The following IQCH variants were observed in gnomAD, a reference collection of about 807,000 sequenced individuals.
The protein encoded by IQCH is IQ domain-containing protein H.
In IQCH, 98 loss-of-function variants were observed where a neutral mutation model predicts 117.0. The ratio of observed to expected loss-of-function variants is 0.84; its 90% CI spans 0.71 to 0.99. IQCH has a LOEUF of 0.99. Among genes scored for constraint, IQCH ranks in the 50% least tolerant of loss-of-function variants. The pLI is 0.00. For synonymous variants in IQCH, 412 were observed against 448.2 expected, an observed-to-expected ratio of 0.92 and a Z score of 1.02; for missense variants, 1,102 against 1,243.8, an observed-to-expected ratio of 0.89 and a Z score of 1.72.
chr15:67,439,522 C>T (rs1415665082), intron 16 of IQCH, among the ~76,000 whole-genome samples: 1 of 152,004 alleles, frequency 6.6e-6, no homozygotes, highest in African/African-American at 2.4e-5. Context: ...AAGGAAATTA[C>T]CCAGCAGAAG....
intron 4 of IQCH, among the ~76,000 whole-genome samples, chr15:67,296,419 T>C (rs1338894425): frequency 3.3e-5 from 5 of 152,010 alleles, no homozygotes; most frequent in African/African-American, 1.2e-4. Context: ...TAGGAAGGAA[T>C]GGCAGGAGGC....
chr15:67,302,934 C>G (rs1216592490), intron 4 of IQCH, among the ~76,000 whole-genome samples: 2 of 152,152 alleles, frequency 1.3e-5, no homozygotes, highest in Non-Finnish European at 2.9e-5. Flanking sequence ...TGTTAAAGAC[C>G]TTACCTAAAC....
At chr15:67,271,028 G>T (rs566884448) in intron 3 of IQCH, among the ~76,000 whole-genome samples, 1 of 152,166 alleles carries the variant, frequency 6.6e-6, no homozygotes, top group South Asian at 2.1e-4. Flanking sequence ...GAGTGCAGTC[G>T]TGCAATCTTG....
At chr15:67,310,400 A>G (rs185176219) in intron 4 of IQCH, among the ~76,000 whole-genome samples, 14 of 152,228 alleles carry the variant, frequency 9.2e-5, no homozygotes, top group East Asian at 1.9e-4. Context: ...TGAAATTCAG[A>G]TCTGCTCATA....
At chr15:67,256,899 C>T (rs1017727891) in intron 1 of IQCH, among the ~76,000 whole-genome samples, 2 of 152,128 alleles carry the variant, frequency 1.3e-5, no homozygotes, top group African/African-American at 4.8e-5. Context: ...AAATTCTATT[C>T]TCTACATGTA....
intron 2 of IQCH, among the ~76,000 whole-genome samples, 192 bp downstream of exon 2, chr15:67,261,586 A>G (rs779138895): frequency 6.6e-6 from 1 of 152,242 alleles, no homozygotes; most frequent in Non-Finnish European, 1.5e-5. Flanking sequence ...CATATTTCAC[A>G]AAGAATTTAA....
intron 4 of IQCH, among the ~76,000 whole-genome samples, chr15:67,324,131 A>G (rs1015701756): frequency 4.0e-5 from 6 of 151,466 alleles, no homozygotes; most frequent in Non-Finnish European, 7.4e-5. Context: ...TTTAGTAGAG[A>G]TGGGGTTTCA....
rs1406343311 is a variant in IQCH at position 67,481,631 on chromosome 15, G to A, written c.2799+5813G>A. ...CAGAACAAAAGGGTAAAAAGAAAAAGGGTATAGCTCTCCTACTGAAGCCTC... is the reference window on the plus strand; with the variant it reads ...CAGAACAAAAGGGTAAAAAGAAAAAAGGTATAGCTCTCCTACTGAAGCCTC... On this transcript the variant is annotated intron_variant, in intron 18 of 20. Transcript: ENST00000335894. This position sits in a 1 kb window ranked among gnomAD's most constrained non-coding sequence, Gnocchi z 4.1. 1.3e-5 allele frequency among the ~76,000 whole-genome samples: 2 copies of A among 152,158 alleles called. No individual in the cohort carries two copies. The highest frequency in any genetic ancestry group is 4.8e-5 in the African/African-American group (2 of 41,436).
chr15:67,306,900 C>A, intron 4 of IQCH: 2 of 1,506,066 alleles, frequency 1.3e-6, no homozygotes, highest in South Asian at 2.5e-5. Context: ...CATCCAGTTC[C>A]AGTTAGACTT....
At chr15:67,354,153 G>C (rs1969788296) in intron 6 of IQCH, among the ~76,000 whole-genome samples, 1 of 151,968 alleles carries the variant, frequency 6.6e-6, no homozygotes, top group Admixed American at 6.6e-5. Flanking sequence ...TACCAAAATT[G>C]AAAAAGCACA....
rs549295228 is a variant in IQCH at position 67,299,287 on chromosome 15, C to A, written c.387+19775C>A. On this transcript the variant is annotated intron_variant, in intron 4 of 20. Coordinates refer to ENST00000335894, the MANE Select transcript of IQCH (RefSeq NM_001031715.3). ...AGAGGCTGGGAAGGGTAGTGCGGGGCTTGGGGAGAAGGGGGGATAGTTAAT... is the reference window on the plus strand; with the variant it reads ...AGAGGCTGGGAAGGGTAGTGCGGGGATTGGGGAGAAGGGGGGATAGTTAAT... Among the ~76,000 whole-genome samples, 82 of 150,488 alleles carry A rather than the reference C, an allele frequency of 5.4e-4. 1 individual carries two copies. The highest frequency in any genetic ancestry group is 2.0e-3 in the African/African-American group (80 of 40,974).
rs1412342937 is a variant in IQCH at position 67,475,756 on chromosome 15, C to T, written c.2737C>T (p.Leu913=). The T allele has an allele frequency of 3.1e-6, 5 of 1,614,042 alleles. No individual in the cohort carries two copies. The South Asian group carries it at 5.5e-5, about 18-fold the overall frequency. ...CCAGCTAAGACACAGCAATCTCTCA[C>T]TGGTTTTCCACTATGTTTTTCTCCA... ...TTQLRHSNLS[L]VFHYVFLQIC... The change falls in exon 18 of 21, where the codon CTG becomes TTG. Residue 913 remains leucine, a synonymous_variant. Coordinates refer to ENST00000335894, the MANE Select transcript of IQCH (RefSeq NM_001031715.3). The surrounding 1 kb of genome is among the most constrained non-coding windows in gnomAD (Gnocchi z 5.7).
In IQCH at chr15:67,342,456, C is replaced by CT. The variant is rs1338497016; in HGVS notation, c.509-1605dup. ...TGTTTGTCTGAAATTAGGATAATTG[C>CT]TTCAACCAGCACTAAAGCAAGGGTT... On this transcript the variant is annotated intron_variant, in intron 5 of 20. Transcript: ENST00000335894. The surrounding 1 kb of genome is among the most constrained non-coding windows in gnomAD (Gnocchi z 4.7). 6.6e-6 allele frequency among the ~76,000 whole-genome samples: 1 copy of CT among 152,086 alleles called. No individual in the cohort carries two copies. The highest frequency in any genetic ancestry group is 1.5e-5 in the Non-Finnish European group (1 of 68,022).
At position 67,417,918 on chromosome 15, in the gene IQCH, T is replaced by A. The variant is rs1216299021; in HGVS notation, c.2218+867T>A. Among the ~76,000 whole-genome samples, 1 of 152,166 alleles carries A rather than the reference T, an allele frequency of 6.6e-6. No homozygotes were observed. The highest frequency in any genetic ancestry group is 1.5e-5 in the Non-Finnish European group (1 of 68,030). ...AATCAATAATGATAAGATAATGTCA[T>A]GTCAGATGATAACAGCAGCAGCAAT... On this transcript the variant is annotated intron_variant, in intron 15 of 20. Transcript: ENST00000335894. The surrounding 1 kb of genome is among the most constrained non-coding windows in gnomAD (Gnocchi z 4.3).
chr15:67,302,295 G>A (rs1011974335), intron 4 of IQCH, among the ~76,000 whole-genome samples: 1 of 152,098 alleles, frequency 6.6e-6, no homozygotes, highest in African/African-American at 2.4e-5. Context: ...TGGTAGAATA[G>A]AAATTATTCT....
At chr15:67,320,221 G>T (rs566075956) in intron 4 of IQCH, among the ~76,000 whole-genome samples, 70 of 152,350 alleles carry the variant, frequency 4.6e-4, no homozygotes, top group African/African-American at 1.6e-3. Flanking sequence ...TGAGGTAAAT[G>T]AGGACCAAAC....
intron 16 of IQCH, among the ~76,000 whole-genome samples, chr15:67,446,427 G>A (rs2082393230): frequency 6.6e-6 from 1 of 152,166 alleles, no homozygotes; most frequent in South Asian, 2.1e-4. Context: ...AGGAGAAAGA[G>A]GGGGAAAAGA....
intron 18 of IQCH, among the ~76,000 whole-genome samples, chr15:67,486,038 C>CTTTT (rs55963427): frequency 2.4e-4 from 25 of 106,294 alleles, no homozygotes; most frequent in South Asian, 3.3e-4. Context: ...GCTAAGTTTT[C>CTTTT]TTTTTTTTTT....
chr15:67,349,367 CCA>C, intron 6 of IQCH, among the ~76,000 whole-genome samples: 1 of 152,166 alleles, frequency 6.6e-6, no homozygotes, highest in South Asian at 2.1e-4. Flanking sequence ...GCCTGTAATC[CCA>C]CCACTTTGGG....
Sources: gnomAD v4.1 joint callset for allele counts (sites outside exome capture counted in the v4.1 genomes callset) on GRCh38, gnomAD v4.1.1 for gene constraint, Gnocchi (gnomAD v3.1) non-coding constraint, MANE v1.5 for transcripts, NCBI Gene and HGNC (gene_info 2026-07-23, HGNC 2026-07-21) for gene names.